Variants in RETREG1 observed in about 807,000 individuals in gnomAD.
RETREG1 encodes the protein family with sequence similarity 134 member B.
Under a neutral mutation model 54.8 loss-of-function variants are expected in RETREG1, and 44 were observed. The observed-to-expected ratio is 0.80, with a 90% CI of 0.63 to 1.03. The LOEUF (loss-of-function observed/expected upper bound fraction) is 1.03. RETREG1 is among the 50% of genes least tolerant of loss of function. RETREG1 has a pLI of 0.00. For synonymous variants in RETREG1, 217 were observed against 238.5 expected, an observed-to-expected ratio of 0.91 and a Z score of 0.83; for missense variants, 554 against 605.1, an observed-to-expected ratio of 0.92 and a Z score of 0.89.
rs1465465249 is a variant in RETREG1, at chr5:16,474,144, G to A, written c.*597C>T. 6.5e-6 allele frequency: 1 copy of A among 153,498 alleles called. No individual in the cohort carries two copies. The highest frequency in any genetic ancestry group is 1.9e-4 in the East Asian group (1 of 5,244). The allele number at this position is 153,498 out of a possible 1,614,324, so 9.5% of individuals were successfully genotyped here. ...AAGTCTACAACTGCAGAAATAACAT[G>A]GAAACGTTTCAGTCTATCCAGAGTA... On this transcript the variant is annotated 3_prime_UTR_variant, in exon 9 of 9. Transcript: ENST00000306320.
intron 2 of RETREG1, 131 bp from the exon 3 acceptor site, chr5:16,565,924 G>T: frequency 1.1e-6 from 1 of 946,200 alleles, no homozygotes; most frequent in Non-Finnish European, 1.6e-6. Context: ...ACACCATCAA[G>T]TCATACAGTG....
intron 3 of RETREG1, among the ~76,000 whole-genome samples, chr5:16,542,969 G>A (rs1020562679): frequency 6.6e-6 from 1 of 152,114 alleles, no homozygotes; most frequent in Non-Finnish European, 1.5e-5. Flanking sequence ...ATAGTTTTCT[G>A]GTACCCCTTT....
At chr5:16,487,592 CA>C (rs1395284876) in intron 3 of RETREG1, among the ~76,000 whole-genome samples, 1 of 152,162 alleles carries the variant, frequency 6.6e-6, no homozygotes, top group Non-Finnish European at 1.5e-5. Flanking sequence ...AAATGACTCC[CA>C]AAAAAGCCCC....
chr5:16,592,430 G>A (rs1433408827), intron 1 of RETREG1, among the ~76,000 whole-genome samples: 4 of 152,162 alleles, frequency 2.6e-5, no homozygotes, highest in Non-Finnish European at 5.9e-5. Flanking sequence ...AGAGAAAAGG[G>A]AACACTTGCA....
chr5:16,482,420 C>T (rs566086516), intron 4 of RETREG1, among the ~76,000 whole-genome samples: 3 of 151,130 alleles, frequency 2.0e-5, no homozygotes, highest in African/African-American at 7.3e-5. Flanking sequence ...ATCAACAGCA[C>T]ATCATGCCCC....
chr5:16,551,794 T>TCTGTAA (rs1269971201), intron 3 of RETREG1, among the ~76,000 whole-genome samples: 11 of 152,176 alleles, frequency 7.2e-5, no homozygotes, highest in Non-Finnish European at 1.2e-4. Flanking sequence ...ATCTTGCAGT[T>TCTGTAA]CTGGTGGCCA....
rs1742842303 is a variant in RETREG1, at chr5:16,594,198, A to G, written c.321-22096T>C. 6.6e-6 allele frequency among the ~76,000 whole-genome samples: 1 copy of G among 152,248 alleles called. No individual in the cohort carries two copies. The highest frequency in any genetic ancestry group is 2.4e-5 in the African/African-American group (1 of 41,468). ...ATTAAACTTCTCAGTCATACAGTGC[A>G]TCGATGTACAAGGGTGCTGAACCTT... On this transcript the variant is annotated intron_variant, in intron 1 of 8. Coordinates refer to ENST00000306320, the MANE Select transcript of RETREG1 (RefSeq NM_001034850.3). This position sits in a 1 kb window ranked among gnomAD's most constrained non-coding sequence, Gnocchi z 4.4.
intron 6 of RETREG1, among the ~76,000 whole-genome samples, chr5:16,478,443 T>TC (rs1738632467): frequency 6.6e-6 from 1 of 152,234 alleles, no homozygotes; most frequent in Admixed American, 6.5e-5. Context: ...TAATAAGCCC[T>TC]CCACGTGACT....
At chr5:16,509,054 T>C (rs1023450420) in intron 3 of RETREG1, 3 of 986,574 alleles carry the variant, frequency 3.0e-6, no homozygotes, top group African/African-American at 1.8e-5. Context: ...TTTTTTTTTT[T>C]CTGGCATGAC....
chr5:16,523,460 G>A (rs1740600152), intron 3 of RETREG1, among the ~76,000 whole-genome samples: 1 of 152,128 alleles, frequency 6.6e-6, no homozygotes. Flanking sequence ...ATTAGGCTGA[G>A]ATTTTGGGTT....
chr5:16,474,911 T>TG lies in RETREG1; in HGVS notation c.1323dup (p.Ile442HisfsTer9), dbSNP rs1294300253. The TG allele has an allele frequency of 1.2e-6, 2 of 1,613,910 alleles. No individual in the cohort carries two copies. The highest frequency in any genetic ancestry group is 8.5e-7 in the Non-Finnish European group (1 of 1,179,946). ...TCAGTGTCTGTGTCCTCTTCTGGGA[T>TG]GGGGGCAGCCTGAGAAAGTGCTTGC... On this transcript the variant is annotated frameshift_variant, in exon 9 of 9. Transcript: ENST00000306320. LOFTEE classifies it high-confidence loss of function.
rs142018385 is a variant in RETREG1, at chr5:16,520,098, G to A, written c.459-36626C>T. Among the ~76,000 whole-genome samples, 1,025 of 152,290 alleles carry A rather than the reference G, an allele frequency of 6.7e-3. 27 individuals carry two copies. Among genetic ancestry groups the A allele is most frequent in the Non-Finnish European group, 5.4e-3 (368 of 68,024 alleles). ...AGCGGACTGCAGCCATCCAAGGGCT[G>A]CTGGGGGACAGGCCAGCCCGGTGGG... On this transcript the variant is annotated intron_variant, in intron 3 of 8. Coordinates refer to ENST00000306320, the MANE Select transcript of RETREG1 (RefSeq NM_001034850.3).
At chr5:16,567,793 CA>C (rs1456291157) in intron 2 of RETREG1, among the ~76,000 whole-genome samples, 5 of 151,930 alleles carry the variant, frequency 3.3e-5, no homozygotes, top group Non-Finnish European at 7.4e-5. Context: ...CCCATCTCTA[CA>C]AAAATTAAAA....
chr5:16,529,370 G>A (rs1205009969), intron 3 of RETREG1, among the ~76,000 whole-genome samples: 2 of 152,194 alleles, frequency 1.3e-5, no homozygotes, highest in African/African-American at 2.4e-5. Flanking sequence ...AATGGGGAAC[G>A]TTGTTTTTTA....
intron 3 of RETREG1, among the ~76,000 whole-genome samples, chr5:16,552,301 AC>A (rs1325047238): frequency 2.6e-5 from 4 of 152,144 alleles, no homozygotes; most frequent in Non-Finnish European, 5.9e-5. Context: ...CCACACAATC[AC>A]TTGCAAATTA....
chr5:16,599,326 T>G (rs1406011278), intron 1 of RETREG1, among the ~76,000 whole-genome samples: 3 of 152,232 alleles, frequency 2.0e-5, no homozygotes, highest in Non-Finnish European at 2.9e-5. Context: ...ACTAATATTC[T>G]AATCAGTAAA....
chr5:16,576,555 G>A (rs1419475571), intron 1 of RETREG1, among the ~76,000 whole-genome samples: 2 of 152,094 alleles, frequency 1.3e-5, no homozygotes, highest in South Asian at 2.1e-4. Context: ...GCACGATCTC[G>A]GCTCACCGCA....
chr5:16,544,448 CT>C (rs1476254430), intron 3 of RETREG1, among the ~76,000 whole-genome samples: 4 of 152,258 alleles, frequency 2.6e-5, no homozygotes, highest in Admixed American at 6.5e-5. Context: ...TCAAATTTTT[CT>C]TTTGTGGATC....
At chr5:16,483,214 C>T (rs1738880315) in intron 4 of RETREG1, 132 bp downstream of exon 4, 1 of 1,056,064 alleles carries the variant, frequency 9.5e-7, no homozygotes, top group Non-Finnish European at 1.4e-6. Flanking sequence ...CTGATACCAG[C>T]TTTTATGGCA....
Sources: gnomAD v4.1 joint callset for allele counts (sites outside exome capture counted in the v4.1 genomes callset) on GRCh38, gnomAD v4.1.1 for gene constraint, Gnocchi (gnomAD v3.1) non-coding constraint, MANE v1.5 for transcripts, NCBI Gene and HGNC (gene_info 2026-07-23, HGNC 2026-07-21) for gene names.